Variants in BMPR1B observed in about 807,000 individuals in gnomAD.
BMPR1B encodes the protein bone morphogenetic protein receptor type 1B, also known as bone morphogenetic protein receptor type-1B.
Under a neutral mutation model 59.1 loss-of-function variants are expected in BMPR1B, and 12 were observed. The observed-to-expected ratio is 0.20, with a 90% CI of 0.13 to 0.33. The LOEUF (loss-of-function observed/expected upper bound fraction) is 0.33. Ranked by LOEUF, BMPR1B falls within the 10% of genes least tolerant of loss-of-function variation. The probability of loss-of-function intolerance (pLI) is 1.00; values close to 1 mark genes in which losing one functional copy is unlikely to be tolerated. For synonymous variants in BMPR1B, 237 were observed against 207.3 expected, an observed-to-expected ratio of 1.14 and a Z score of -1.23; for missense variants, 550 against 610.9, an observed-to-expected ratio of 0.90 and a Z score of 1.05.
At chr4:95,121,518 A>G (rs1014513779) in intron 6 of BMPR1B, among the ~76,000 whole-genome samples, 1 of 152,214 alleles carries the variant, frequency 6.6e-6, no homozygotes, top group African/African-American at 2.4e-5. Context: ...AAAACTTTAA[A>G]TGATCCAAAA....
intron 3 of BMPR1B, among the ~76,000 whole-genome samples, chr4:95,053,241 G>A (rs941313804): frequency 1.3e-5 from 2 of 149,736 alleles, no homozygotes; most frequent in Non-Finnish European, 3.0e-5. Context: ...GGTCATATAG[G>A]TGTAGGGAAC....
At chr4:95,077,765 T>A (rs1302815413) in intron 3 of BMPR1B, among the ~76,000 whole-genome samples, 1 of 152,210 alleles carries the variant, frequency 6.6e-6, no homozygotes, top group Non-Finnish European at 1.5e-5. Flanking sequence ...TCCATGAAGA[T>A]GTTATAGAAT....
At chr4:95,080,337 A>G (rs1345572256) in intron 3 of BMPR1B, among the ~76,000 whole-genome samples, 2 of 152,092 alleles carry the variant, frequency 1.3e-5, no homozygotes, top group East Asian at 3.9e-4. Flanking sequence ...CCTGGGTTCA[A>G]GTGATTTACC....
At chr4:95,115,865 C>T in intron 6 of BMPR1B, 78 bp downstream of exon 6, 1 of 1,278,794 alleles carries the variant, frequency 7.8e-7, no homozygotes, top group Non-Finnish European at 1.1e-6. Flanking sequence ...ATCGTTCTCT[C>T]TCAATCTACC....
intron 3 of BMPR1B, among the ~76,000 whole-genome samples, chr4:95,080,549 A>C (rs940092162): frequency 6.6e-6 from 1 of 152,088 alleles, no homozygotes; most frequent in Admixed American, 6.6e-5. Context: ...AATATTTACA[A>C]ATTTTATATC....
Position 95,115,841 on chromosome 4 carries a change from A to T in BMPR1B, c.349+54A>T. On this transcript the variant is annotated intron_variant, in intron 6 of 12. Transcript: ENST00000515059. The stretch of plus-strand genomic sequence containing the variant: ...AATCACTAGGTATCATGAAAATAAA[A>T]ACTAAAAACTAGAATCGTTCTCTCT... 6 of 1,478,192 alleles carry T rather than the reference A, an allele frequency of 4.1e-6. No individual in the cohort carries two copies. The South Asian group carries it at 6.8e-5, about 17-fold the overall frequency. 91.6% of individuals were successfully genotyped at this position (1,478,192 alleles called of 1,614,324 possible). A position where few individuals can be genotyped will look rare whatever the true frequency, so the allele number is the denominator to read the frequency against.
intron 2 of BMPR1B, among the ~76,000 whole-genome samples, chr4:94,957,542 T>C (rs1421519596): frequency 6.6e-6 from 1 of 151,986 alleles, no homozygotes; most frequent in Non-Finnish European, 1.5e-5. Flanking sequence ...CCCTCTTCTT[T>C]CCTCATTGTT....
chr4:94,873,246 G>A (rs1726573220), intron 1 of BMPR1B, among the ~76,000 whole-genome samples: 1 of 151,982 alleles, frequency 6.6e-6, no homozygotes, highest in Non-Finnish European at 1.5e-5. Context: ...TGCCTTTCTA[G>A]TTTTATTTGA....
chr4:94,875,173 A>G (rs934784579), intron 1 of BMPR1B, among the ~76,000 whole-genome samples: 1 of 152,186 alleles, frequency 6.6e-6, no homozygotes, highest in Non-Finnish European at 1.5e-5. Flanking sequence ...ATTTTCTCTT[A>G]TTCACAAGCT....
intron 10 of BMPR1B, among the ~76,000 whole-genome samples, chr4:95,140,443 C>A (rs958446801): frequency 6.6e-6 from 1 of 152,140 alleles, no homozygotes; most frequent in Non-Finnish European, 1.5e-5. Context: ...GAATTTTCTC[C>A]TTATATATTC....
At chr4:95,118,951 C>T (rs1245802959) in intron 6 of BMPR1B, among the ~76,000 whole-genome samples, 1 of 152,162 alleles carries the variant, frequency 6.6e-6, no homozygotes. Context: ...TCCCTTGATC[C>T]TTCTGGTCTC....
At chr4:95,048,123 T>C (rs2149182925) in intron 3 of BMPR1B, among the ~76,000 whole-genome samples, 1 of 152,280 alleles carries the variant, frequency 6.6e-6, no homozygotes, top group African/African-American at 2.4e-5. Context: ...GTTGCTATGG[T>C]TTCATTCTTT....
At chr4:95,102,023 A>T (rs1035877059) in intron 3 of BMPR1B, among the ~76,000 whole-genome samples, 3 of 152,214 alleles carry the variant, frequency 2.0e-5, no homozygotes, top group African/African-American at 7.2e-5. Context: ...TTTTCTTGTC[A>T]GTAAATATAC....
At chr4:95,060,355 T>G (rs1358225670) in intron 3 of BMPR1B, among the ~76,000 whole-genome samples, 1 of 152,216 alleles carries the variant, frequency 6.6e-6, no homozygotes, top group East Asian at 1.9e-4. Flanking sequence ...TTTCAGACTT[T>G]GTTTCAAAAG....
intron 2 of BMPR1B, among the ~76,000 whole-genome samples, chr4:94,987,599 C>A (rs1475587566): frequency 6.6e-6 from 1 of 152,024 alleles, no homozygotes; most frequent in Non-Finnish European, 1.5e-5. Flanking sequence ...ATGACTTTAG[C>A]TTGTCTTAGG....
At chr4:94,806,767 C>T (rs1351506578) in intron 1 of BMPR1B, among the ~76,000 whole-genome samples, 8 of 152,088 alleles carry the variant, frequency 5.3e-5, no homozygotes, top group African/African-American at 1.2e-4. Context: ...TTTAGCGTAG[C>T]GTTGTCCCAA....
chr4:94,961,502 T>C (rs535377619), intron 2 of BMPR1B, among the ~76,000 whole-genome samples: 1 of 152,320 alleles, frequency 6.6e-6, no homozygotes, highest in East Asian at 1.9e-4. Flanking sequence ...CTTATCAGGG[T>C]ACATATTTTT....
At chr4:94,947,905 A>T (rs901551131) in intron 2 of BMPR1B, among the ~76,000 whole-genome samples, 6 of 152,194 alleles carry the variant, frequency 3.9e-5, no homozygotes, top group Non-Finnish European at 7.3e-5. Flanking sequence ...TTACTCATAG[A>T]TTCAGACCAT....
At chr4:95,001,635 T>G (rs1240193578) in intron 3 of BMPR1B, among the ~76,000 whole-genome samples, 2 of 152,210 alleles carry the variant, frequency 1.3e-5, no homozygotes, top group Non-Finnish European at 2.9e-5. Context: ...TGGCTACATT[T>G]TGTTTTATAA....
Sources: allele counts gnomAD v4.1 joint callset (sites outside exome capture counted in the v4.1 genomes callset), GRCh38; gene constraint gnomAD v4.1.1; transcripts MANE v1.5; gene names NCBI Gene and HGNC (gene_info 2026-07-23, HGNC 2026-07-21).